Variants in LPIN2 observed in about 807,000 individuals in gnomAD.
LPIN2 encodes phosphatidate phosphatase LPIN2.
In LPIN2, 55 loss-of-function variants were observed where a neutral mutation model predicts 111.4. The observed-to-expected ratio is 0.49, with a 90% CI of 0.40 to 0.62. The LOEUF (loss-of-function observed/expected upper bound fraction) is 0.62, where lower values mean the gene tolerates loss of function less well. Ranked by LOEUF, LPIN2 falls within the 20% of genes least tolerant of loss-of-function variation. LPIN2 has a pLI of 0.00. For missense variants in LPIN2, 992 were observed against 1,112.1 expected (o/e 0.89, Z 1.54); for synonymous variants, 425 against 414.0 (o/e 1.03, Z -0.32).
chr18:2,950,786 CT>C lies in LPIN2; in HGVS notation c.590+268del, dbSNP rs550195228. 3.3e-3 allele frequency: 1,643 copies of C among 499,492 alleles called. 5 individuals are homozygous for C. The highest frequency in any genetic ancestry group is 4.6e-3 in the Non-Finnish European group (1,259 of 275,620). The allele number at this position is 499,492 out of a possible 1,614,324, so 30.9% of individuals were successfully genotyped here. A position where few individuals can be genotyped will look rare whatever the true frequency, so the allele number is the denominator to read the frequency against. ...CGAGGGGCAAATCACTAATTCAGAT[CT>C]TTTGACTTAGAACTTATTTGGCTCC... On this transcript the variant is annotated intron_variant, in intron 4 of 19. Coordinates refer to ENST00000677752, the MANE Select transcript of LPIN2 (RefSeq NM_001375808.2).
intron 1 of LPIN2, among the ~76,000 whole-genome samples, chr18:3,010,041 C>G (rs2078576709): frequency 6.6e-6 from 1 of 152,160 alleles, no homozygotes; most frequent in African/African-American, 2.4e-5. Context: ...AAATCAAGAG[C>G]AAGGCAGCCC....
chr18:2,951,161 A>G lies in LPIN2; in HGVS notation c.484T>C (p.Tyr162His). Reference protein sequence around the residue: ...VKKKKRRRKKYKQDSKKEEQA... With the variant: ...VKKKKRRRKKHKQDSKKEEQA... ...TCTTCCTTCTTACTGTCCTGTTTGT[A>G]TTTCTTTCTCCTTCGTTTTTTCTTT... Residue 162 changes from tyrosine to histidine, a missense_variant, in exon 4 of 20, where the codon TAC becomes CAC. Tyr to His is a moderately conservative substitution (Grantham distance 83). This residue lies in a region of LPIN2 where 709 missense variants were observed against 753.2 expected (regional missense o/e 0.94). Coordinates refer to ENST00000677752, the MANE Select transcript of LPIN2 (RefSeq NM_001375808.2). 6.2e-7 allele frequency: 1 copy of G among 1,614,032 alleles called. No homozygotes were observed. Among genetic ancestry groups the G allele is most frequent in the Non-Finnish European group, 8.5e-7 (1 of 1,180,012 alleles).
intron 4 of LPIN2, among the ~76,000 whole-genome samples, chr18:2,944,887 TTA>T (rs1446548123): frequency 2.0e-5 from 3 of 152,202 alleles, no homozygotes; most frequent in Non-Finnish European, 4.4e-5. Context: ...GTATTCTTAT[TTA>T]TGTTTCCTAT....
At chr18:2,921,843 G>A (rs1056329599) in intron 17 of LPIN2, among the ~76,000 whole-genome samples, 196 bp from the exon 18 acceptor site, 19 of 152,244 alleles carry the variant, frequency 1.2e-4, no homozygotes, top group African/African-American at 3.4e-4. Context: ...AAAACTTGAC[G>A]GTTCCTAGAA....
chr18:2,928,622 C>T lies in LPIN2; in HGVS notation c.1589G>A (p.Ser530Asn). 3.1e-6 allele frequency: 5 copies of T among 1,614,012 alleles called. No individual in the cohort carries two copies. Among genetic ancestry groups the T allele is most frequent in the Non-Finnish European group, 3.4e-6 (4 of 1,179,974 alleles). ...CAAGCTCTTCTGGAATACTTGCAAG[C>T]TAAGGATCATGGGAGCTGCCAAAGC... ...NWALAAPMIL[S>N]LQVFQKSLPK... Residue 530 changes from serine (S) to asparagine (N), a missense_variant, in exon 11 of 20, where the codon AGC (serine) becomes AAC (asparagine). Physicochemically the swap from Ser to Asn is conservative, Grantham distance 46 (BLOSUM62 1). This residue lies in a region of LPIN2 where 709 missense variants were observed against 753.2 expected (regional missense o/e 0.94). Coordinates refer to ENST00000677752, the MANE Select transcript of LPIN2 (RefSeq NM_001375808.2).
At position 2,920,796 on chromosome 18, in the gene LPIN2, G is replaced by C; in HGVS notation, c.2528C>G (p.Thr843Ser). 2 of 1,613,986 alleles carry C rather than the reference G, an allele frequency of 1.2e-6. No homozygotes were observed. The highest frequency in any genetic ancestry group is 1.1e-5 in the South Asian group (1 of 91,072). Residue 843 changes from threonine (T) to serine (S), a missense_variant, in exon 19 of 20, where the codon ACC (threonine) becomes AGC (serine). This residue lies in a region of LPIN2 where 185 missense variants were observed against 186.5 expected (regional missense o/e 0.99). Transcript: ENST00000677752. ...NPKGELIQER[T>S]KGNKSSYHRL... ...TACTTACGATGACTTGTTTCCTTTG[G>C]TTCTTTCTTGTATTAATTCACCCTT...
intron 4 of LPIN2, chr18:2,945,755 C>T (rs1229194565): frequency 2.0e-5 from 24 of 1,198,564 alleles, no homozygotes; most frequent in Non-Finnish European, 2.7e-5. Flanking sequence ...GCGCATCTAA[C>T]AATGTGCTAT....
intron 3 of LPIN2, among the ~76,000 whole-genome samples, chr18:2,952,864 G>GA (rs1176946695): frequency 6.6e-6 from 1 of 152,166 alleles, no homozygotes; most frequent in African/African-American, 2.4e-5. Flanking sequence ...ATACTGTGCA[G>GA]CTATTAAAAG....
chr18:2,990,114 T>C (rs2078243624), intron 1 of LPIN2, among the ~76,000 whole-genome samples: 1 of 152,090 alleles, frequency 6.6e-6, no homozygotes, highest in Admixed American at 6.6e-5. Context: ...CACAACTAAG[T>C]TTCTATATGC....
At chr18:2,934,484 G>A (rs2077257858) in intron 7 of LPIN2, 34 bp from the exon 8 acceptor site, 1 of 1,379,176 alleles carries the variant, frequency 7.3e-7, no homozygotes, top group Non-Finnish European at 1.0e-6. Context: ...TAAGAATTTA[G>A]TTATTCTTCA....
chr18:2,924,671 G>A, intron 14 of LPIN2, 125 bp from the exon 15 acceptor site: 1 of 941,248 alleles, frequency 1.1e-6, no homozygotes, highest in Non-Finnish European at 1.7e-6. Flanking sequence ...CGGGGTCTTA[G>A]ACACAGCCCA....
rs1334459576 is a variant in LPIN2 at position 3,006,234 on chromosome 18, A to G, written c.-10+6853T>C. 2.0e-5 allele frequency among the ~76,000 whole-genome samples: 3 copies of G among 152,356 alleles called. No individual in the cohort carries two copies. The East Asian group carries it at 5.8e-4, about 29-fold the overall frequency. Reference sequence around the variant, plus strand: ...CCTCCTCGAAATACCTAGTGTTCCTAAGTAGAAGGCATCAGCACCACTTTA... The same window carrying G: ...CCTCCTCGAAATACCTAGTGTTCCTGAGTAGAAGGCATCAGCACCACTTTA... On this transcript the variant is annotated intron_variant, in intron 1 of 19. Transcript: ENST00000677752.
At position 2,937,913 on chromosome 18, in the gene LPIN2, G is replaced by C; in HGVS notation, c.947C>G (p.Ser316Cys). The C allele has an allele frequency of 6.2e-7, 1 of 1,614,148 alleles. No individual in the cohort carries two copies. Among genetic ancestry groups the C allele is most frequent in the Non-Finnish European group, 8.5e-7 (1 of 1,180,052 alleles). Residue 316 changes from serine to cysteine, a missense_variant, in exon 7 of 20, where the codon TCC (serine) becomes TGC (cysteine). Physicochemically the swap from Ser to Cys is moderately radical, Grantham distance 112. Around this residue, in one of 4 missense-constraint regions of LPIN2, gnomAD observed 709 missense variants for 753.2 expected, o/e 0.94. Transcript: ENST00000677752. ...NLISEVEKDASMEDTVCTIVK... is the reference protein window; with the variant it reads ...NLISEVEKDACMEDTVCTIVK... ...TATGGTACAGACAGTGTCTTCCATG[G>C]AAGCATCCTTCTCAACTTCACTGAT...
At chr18:2,957,932 C>T (rs1187069081) in intron 2 of LPIN2, among the ~76,000 whole-genome samples, 2 of 151,554 alleles carry the variant, frequency 1.3e-5, no homozygotes, top group Admixed American at 6.6e-5. Flanking sequence ...GGGTGGATTA[C>T]CTGAGATCAG....
intron 1 of LPIN2, among the ~76,000 whole-genome samples, chr18:2,975,073 G>T (rs571419674): frequency 2.6e-5 from 4 of 152,280 alleles, no homozygotes; most frequent in South Asian, 4.1e-4. Context: ...CTCACAACTA[G>T]GTGAGGTAAA....
chr18:2,958,164 A>AAAAAAAAAAAG, intron 2 of LPIN2, among the ~76,000 whole-genome samples: 1 of 143,414 alleles, frequency 7.0e-6, no homozygotes, highest in African/African-American at 2.5e-5. Flanking sequence ...AAAACAACAA[A>AAAAAAAAAAAG]AAAAAAAAAC....
chr18:2,964,300 A>G (rs1162053459), intron 1 of LPIN2, among the ~76,000 whole-genome samples: 2 of 151,098 alleles, frequency 1.3e-5, no homozygotes, highest in Non-Finnish European at 3.0e-5. Flanking sequence ...AAAAAAAAAA[A>G]AAAAAGAAAT....
chr18:2,972,448 C>T (rs1229935607), intron 1 of LPIN2: 1 of 152,198 alleles, frequency 6.6e-6, no homozygotes, highest in African/African-American at 2.4e-5. Flanking sequence ...CCATCTTCTA[C>T]TAGTCAGCTG....
chr18:2,920,327 G>A lies in LPIN2; in HGVS notation c.2657C>T (p.Pro886Leu), dbSNP rs147203309. 123 of 1,614,146 alleles carry A rather than the reference G, an allele frequency of 7.6e-5. 1 individual carries two copies. The East Asian group carries it at 8.2e-4, about 11-fold the overall frequency. ...EFSSFCYWRD[P>L]IPEVDLDDLS ...GTCATCCAGGTCCACTTCAGGGATC[G>A]GGTCTCGCCAGTAGCAGAAGGAGCT... The change falls in exon 20 of 20, where the codon CCG becomes CTG. Residue 886 changes from proline to leucine, a missense_variant. By Grantham distance (98) the Pro-to-Leu change is moderately conservative. This residue lies in a region of LPIN2 where 185 missense variants were observed against 186.5 expected (regional missense o/e 0.99). Transcript: ENST00000677752.
Sources: gnomAD v4.1 joint callset for allele counts (sites outside exome capture counted in the v4.1 genomes callset) on GRCh38, gnomAD v4.1.1 for gene constraint, gnomAD v4.1.1 regional missense constraint, MANE v1.5 for transcripts, NCBI Gene and HGNC (gene_info 2026-07-23, HGNC 2026-07-21) for gene names.